The following PRELID2 variants were observed in gnomAD, a reference collection of about 807,000 sequenced individuals.
PRELID2 encodes PRELI domain containing 2, also known as PRELI domain-containing protein 2.
PRELID2 carries 25 observed loss-of-function variants against 28.4 expected under a neutral mutation model. The observed-to-expected ratio is 0.88, with a 90% confidence interval of 0.64 to 1.23. The LOEUF is 1.23. Among genes scored for constraint, PRELID2 ranks in the 50% most tolerant of loss-of-function variants. The pLI, the probability that PRELID2 is intolerant of heterozygous loss-of-function variation, is 0.00. For missense variants in PRELID2, 201 were observed against 214.4 expected (o/e 0.94, Z 0.39); for synonymous variants, 76 against 71.6 (o/e 1.06, Z -0.31).
At position 145,800,363 on chromosome 5, in the gene PRELID2, T is replaced by C. The variant is rs192865451; in HGVS notation, c.369-3816A>G. Reference sequence around the variant, plus strand: ...GTTATCCCATCCACTCTGACATAAATACCTTCCGTCTAAGCAGTTTTCACC... The same window carrying C: ...GTTATCCCATCCACTCTGACATAAACACCTTCCGTCTAAGCAGTTTTCACC... On this transcript the variant is annotated intron_variant, in intron 4 of 6. Transcript: ENST00000683046. Among the ~76,000 whole-genome samples the C allele has an allele frequency of 3.0e-3, 457 of 149,950 alleles. 4 individuals are homozygous for C. Among genetic ancestry groups the C allele is most frequent in the African/African-American group, 0.01 (420 of 40,788 alleles).
intron 1 of PRELID2, among the ~76,000 whole-genome samples, chr5:145,475,491 C>A (rs555479649): frequency 2.6e-5 from 4 of 152,236 alleles, no homozygotes; most frequent in Non-Finnish European, 4.4e-5. Flanking sequence ...TTCTATTTTG[C>A]AAGATCTCAT....
chr5:145,767,525 C>G (rs556362108), intron 5 of PRELID2, among the ~76,000 whole-genome samples: 34 of 152,246 alleles, frequency 2.2e-4, no homozygotes, highest in Non-Finnish European at 4.3e-4. Context: ...AATGACAAAG[C>G]TAAAAGAGCA....
the PRELID2 span, among the ~76,000 whole-genome samples, chr5:145,395,180 C>T: frequency 0.011 from 1,603 of 151,376 alleles, 26 homozygotes; most frequent in African/African-American, 0.034. Flanking sequence ...TAATTTATAG[C>T]TAGAAACAGA....
chr5:145,790,721 G>GTGTA lies in PRELID2; in HGVS notation c.474+5720_474+5721insTACA, dbSNP rs772901344. On this transcript the variant is annotated intron_variant, in intron 5 of 6. Coordinates refer to ENST00000683046, the MANE Select transcript of PRELID2 (RefSeq NM_205846.3). ...CCACATTGTGTGTGTGTGTGTGTGTGTATATATATATATATATATATATAT... is the reference window on the plus strand; with the variant it reads ...CCACATTGTGTGTGTGTGTGTGTGTGTGTATATATATATATATATATATATATAT... Among the ~76,000 whole-genome samples, 223 of 110,894 alleles carry GTGTA rather than the reference G, an allele frequency of 2.0e-3. 1 individual carries two copies. Among genetic ancestry groups the GTGTA allele is most frequent in the African/African-American group, 6.4e-3 (209 of 32,672 alleles). The allele number at this position is 110,894 out of a possible 152,430, so 72.8% of individuals were successfully genotyped here.
At chr5:145,815,725 C>T (rs2149853822) in intron 4 of PRELID2, among the ~76,000 whole-genome samples, 1 of 152,316 alleles carries the variant, frequency 6.6e-6, no homozygotes, top group East Asian at 1.9e-4. Flanking sequence ...CCATGTTTAA[C>T]CATGAATCAG....
At chr5:145,737,132 C>T (rs1756517435) in intron 1 of PRELID2, among the ~76,000 whole-genome samples, 1 of 152,064 alleles carries the variant, frequency 6.6e-6, no homozygotes, top group East Asian at 1.9e-4. Context: ...TTTCAATTAT[C>T]TTACTTTACA....
chr5:145,663,357 C>A (rs1184283387), intron 1 of PRELID2, among the ~76,000 whole-genome samples: 1 of 152,076 alleles, frequency 6.6e-6, no homozygotes, highest in East Asian at 1.9e-4. Flanking sequence ...AAAGTTAGAA[C>A]ATGATTTGAG....
intron 5 of PRELID2, among the ~76,000 whole-genome samples, chr5:145,783,019 A>T (rs971324885): frequency 2.0e-5 from 3 of 152,138 alleles, no homozygotes; most frequent in African/African-American, 7.2e-5. Context: ...AGGTCTCCTG[A>T]CTCCTGGCTG....
chr5:145,293,894 T>A, the PRELID2 span, among the ~76,000 whole-genome samples: 1 of 152,168 alleles, frequency 6.6e-6, no homozygotes, highest in Non-Finnish European at 1.5e-5. Flanking sequence ...ACCTGGCCAA[T>A]GGCATCCATC....
the PRELID2 span, among the ~76,000 whole-genome samples, chr5:145,333,219 G>T: frequency 6.6e-6 from 1 of 152,180 alleles, no homozygotes; most frequent in Non-Finnish European, 1.5e-5. Context: ...CCTGCTGGGA[G>T]GTGTCTCCCA....
chr5:145,631,380 T>G (rs2149658607), intron 1 of PRELID2, among the ~76,000 whole-genome samples: 1 of 152,310 alleles, frequency 6.6e-6, no homozygotes, highest in Admixed American at 6.5e-5. Context: ...AGGTCTTGTC[T>G]CACTCCCAGT....
intron 1 of PRELID2, among the ~76,000 whole-genome samples, chr5:145,535,114 G>A (rs181064106): frequency 1.6e-4 from 25 of 151,906 alleles, no homozygotes; most frequent in African/African-American, 5.3e-4. Context: ...AGACATATGT[G>A]CCTTTTCCCC....
intron 1 of PRELID2, among the ~76,000 whole-genome samples, chr5:145,561,445 C>T (rs1752924749): frequency 6.6e-6 from 1 of 152,044 alleles, no homozygotes; most frequent in Non-Finnish European, 1.5e-5. Flanking sequence ...ATTCTAGATA[C>T]ACCAGTGAAA....
intron 5 of PRELID2, among the ~76,000 whole-genome samples, chr5:145,787,238 A>T (rs1752054318): frequency 6.6e-6 from 1 of 152,202 alleles, no homozygotes; most frequent in Admixed American, 6.5e-5. Flanking sequence ...AAAGATTCAG[A>T]CAAACTAGGC....
intron 1 of PRELID2, among the ~76,000 whole-genome samples, chr5:145,546,115 A>G (rs1262659980): frequency 6.6e-6 from 1 of 152,150 alleles, no homozygotes; most frequent in African/African-American, 2.4e-5. Context: ...ATACTATAAA[A>G]CATAAAAACT....
chr5:145,495,255 TC>T (rs1449613760), intron 1 of PRELID2, among the ~76,000 whole-genome samples: 1 of 152,152 alleles, frequency 6.6e-6, no homozygotes, highest in African/African-American at 2.4e-5. Flanking sequence ...CCCTGCCTCT[TC>T]CGGCAGGCTG....
At chr5:145,353,305 C>CA in the PRELID2 span, among the ~76,000 whole-genome samples, 4 of 151,406 alleles carry the variant, frequency 2.6e-5, no homozygotes, top group East Asian at 3.9e-4. Context: ...CACACACACA[C>CA]ACAAAAAATC....
chr5:145,506,986 C>G (rs901412710), intron 1 of PRELID2, among the ~76,000 whole-genome samples: 9 of 152,128 alleles, frequency 5.9e-5, no homozygotes, highest in Non-Finnish European at 1.2e-4. Flanking sequence ...CTCACTTGTT[C>G]ATTGTCTCCC....
chr5:145,811,551 C>T (rs530763376), intron 4 of PRELID2, among the ~76,000 whole-genome samples: 12 of 152,188 alleles, frequency 7.9e-5, no homozygotes, highest in East Asian at 3.9e-4. Flanking sequence ...TCCCAAAGTA[C>T]GGGGATCATA....
Sources: allele counts gnomAD v4.1 joint callset (sites outside exome capture counted in the v4.1 genomes callset), GRCh38; gene constraint gnomAD v4.1.1; transcripts MANE v1.5; gene names NCBI Gene and HGNC (gene_info 2026-07-23, HGNC 2026-07-21).